The following CMTM8 variants were observed in gnomAD, a reference collection of about 807,000 sequenced individuals.
CMTM8 encodes CKLF like MARVEL transmembrane domain containing 8, also known as CKLF-like MARVEL transmembrane domain-containing protein 8.
CMTM8 carries 12 observed loss-of-function variants against 18.6 expected under a neutral mutation model. The ratio of observed to expected loss-of-function variants is 0.65; its 90% CI spans 0.41 to 1.05. The LOEUF is 1.05. CMTM8 is among the 50% of genes least tolerant of loss of function. The pLI is 0.00. For missense variants in CMTM8, 217 were observed against 227.2 expected, an observed-to-expected ratio of 0.95 and a Z score of 0.29; for synonymous variants, 87 against 90.6, an observed-to-expected ratio of 0.96 and a Z score of 0.23.
chr3:32,342,751 A>G (rs539935745), intron 1 of CMTM8, among the ~76,000 whole-genome samples: 1 of 152,370 alleles, frequency 6.6e-6, no homozygotes, highest in Admixed American at 6.5e-5. Context: ...TTACCTGAGA[A>G]AGAGGAGAGC....
chr3:32,330,894 A>G (rs1241260840), intron 1 of CMTM8, among the ~76,000 whole-genome samples: 2 of 152,224 alleles, frequency 1.3e-5, no homozygotes, highest in African/African-American at 4.8e-5. Flanking sequence ...CCTAGAAGAA[A>G]ATGAGAAAAG....
At chr3:32,300,046 A>G (rs1695584742) in intron 1 of CMTM8, among the ~76,000 whole-genome samples, 1 of 152,270 alleles carries the variant, frequency 6.6e-6, no homozygotes, top group Non-Finnish European at 1.5e-5. Context: ...AGACAAAAGC[A>G]TAACACATTT....
intron 1 of CMTM8, among the ~76,000 whole-genome samples, chr3:32,303,808 C>G (rs1695672201): frequency 1.3e-5 from 2 of 152,180 alleles, no homozygotes; most frequent in Non-Finnish European, 2.9e-5. Context: ...TGTTAAACCA[C>G]TGGGAAGTTG....
chr3:32,314,769 G>A (rs751833522), intron 1 of CMTM8, among the ~76,000 whole-genome samples: 5 of 152,074 alleles, frequency 3.3e-5, no homozygotes, highest in African/African-American at 7.2e-5. Context: ...GAGCCTCCAC[G>A]CCAGGGCTAG....
chr3:32,350,359 CTTT>C (rs527757254), intron 1 of CMTM8, among the ~76,000 whole-genome samples: 2 of 136,154 alleles, frequency 1.5e-5, no homozygotes, highest in Non-Finnish European at 3.2e-5. Context: ...GTGTTCTAAG[CTTT>C]TTTTTTTTTT....
At chr3:32,290,491 G>A (rs761633503) in intron 1 of CMTM8, among the ~76,000 whole-genome samples, 1 of 152,176 alleles carries the variant, frequency 6.6e-6, no homozygotes, top group Non-Finnish European at 1.5e-5. Flanking sequence ...TGTATATTAA[G>A]CTGCTTCTAA....
intron 1 of CMTM8, among the ~76,000 whole-genome samples, chr3:32,314,922 T>A (rs200319544): frequency 0.016 from 1 of 64 alleles, no homozygotes; most frequent in Non-Finnish European, 0.25. Context: ...AGATCTTTAT[T>A]TTTTTTTTGC....
At chr3:32,305,177 T>G (rs1481977975) in intron 1 of CMTM8, among the ~76,000 whole-genome samples, 1 of 152,038 alleles carries the variant, frequency 6.6e-6, no homozygotes, top group African/African-American at 2.4e-5. Flanking sequence ...AAGGCAGTGG[T>G]TCTCAGTCAG....
At position 32,367,953 on chromosome 3, in the gene CMTM8, G is replaced by C; in HGVS notation, c.403G>C (p.Asp135His). The C allele has an allele frequency of 1.2e-6, 2 of 1,614,124 alleles. No homozygotes were observed. The highest frequency in any genetic ancestry group is 1.1e-5 in the South Asian group (1 of 91,076). ...TGCATCTTCCGTCTCCCCTGAGAGG[G>C]ACAGTCACAACTTCAACAGCTGGGC... ...VDASSVSPER[D>H]SHNFNSWAAS... The change falls in exon 3 of 4, where the codon GAC (aspartate) becomes CAC (histidine). Residue 135 changes from aspartate (D) to histidine (H), a missense_variant. Asp to His is a moderately conservative substitution (Grantham distance 81, BLOSUM62 -1). Transcript: ENST00000307526.
intron 1 of CMTM8, among the ~76,000 whole-genome samples, chr3:32,273,047 A>T (rs1702463228): frequency 6.6e-6 from 1 of 152,196 alleles, no homozygotes; most frequent in South Asian, 2.1e-4. Flanking sequence ...TCACAATGAG[A>T]TACCATTTCA....
At chr3:32,298,084 T>TG in intron 1 of CMTM8, among the ~76,000 whole-genome samples, 2 of 143,128 alleles carry the variant, frequency 1.4e-5, no homozygotes, top group East Asian at 4.0e-4. Context: ...TGGTTGGGGG[T>TG]GGGGGGCAGT....
intron 1 of CMTM8, among the ~76,000 whole-genome samples, chr3:32,303,744 A>T (rs185579781): frequency 1.3e-5 from 2 of 151,942 alleles, no homozygotes; most frequent in Admixed American, 1.3e-4. Flanking sequence ...ATTTTTTTAC[A>T]TCTGGTTTCT....
chr3:32,318,676 C>T (rs1352259357), intron 1 of CMTM8, among the ~76,000 whole-genome samples: 2 of 151,076 alleles, frequency 1.3e-5, no homozygotes, highest in Non-Finnish European at 2.9e-5. Context: ...ACACCATTCT[C>T]CTGCCTCAGC....
intron 1 of CMTM8, among the ~76,000 whole-genome samples, chr3:32,325,216 T>C (rs758690837): frequency 1.1e-4 from 16 of 152,202 alleles, no homozygotes; most frequent in Non-Finnish European, 1.9e-4. Flanking sequence ...CCAGTTTTAG[T>C]GGGGGCATTG....
At chr3:32,280,079 G>T (rs1179767655) in intron 1 of CMTM8, among the ~76,000 whole-genome samples, 4 of 152,162 alleles carry the variant, frequency 2.6e-5, no homozygotes, top group African/African-American at 9.6e-5. Flanking sequence ...GCTTCATAGT[G>T]GTAACCAAGC....
At chr3:32,271,236 C>T (rs1702435264) in intron 1 of CMTM8, among the ~76,000 whole-genome samples, 1 of 152,196 alleles carries the variant, frequency 6.6e-6, no homozygotes, top group Non-Finnish European at 1.5e-5. Flanking sequence ...AAGCGATTCT[C>T]CTGCCTCAGC....
intron 1 of CMTM8, among the ~76,000 whole-genome samples, chr3:32,277,384 T>G (rs937173346): frequency 6.6e-6 from 1 of 151,924 alleles, no homozygotes; most frequent in Non-Finnish European, 1.5e-5. Flanking sequence ...TTGTCTTTCT[T>G]TCTTTTTTTA....
chr3:32,248,433 C>T (rs190699081), intron 1 of CMTM8, among the ~76,000 whole-genome samples: 49 of 152,246 alleles, frequency 3.2e-4, no homozygotes, highest in Admixed American at 5.9e-4. Flanking sequence ...GCGATCTTGG[C>T]TCACTGCAAC....
Position 32,368,003 on chromosome 3 carries a change from A to G in CMTM8, c.438+15A>G. On this transcript the variant is annotated intron_variant, in intron 3 of 3. Coordinates refer to ENST00000307526, the MANE Select transcript of CMTM8 (RefSeq NM_178868.5). ...CGGCCTCATCGGTGAGTAGCCCTCC[A>G]TCCCCACATGATCCTCCTCTTCCCT... 6.6e-7 allele frequency: 1 copy of G among 1,503,864 alleles called. No homozygotes were observed. The highest frequency in any genetic ancestry group is 9.3e-7 in the Non-Finnish European group (1 of 1,079,444). 93.2% of individuals were successfully genotyped at this position (1,503,864 alleles called of 1,614,324 possible).
Sources: gnomAD v4.1 joint callset for allele counts (sites outside exome capture counted in the v4.1 genomes callset) on GRCh38, gnomAD v4.1.1 for gene constraint, MANE v1.5 for transcripts, NCBI Gene and HGNC (gene_info 2026-07-23, HGNC 2026-07-21) for gene names.